AOPEP: variants seen among roughly 807,000 people sequenced by gnomAD.
AOPEP encodes the protein aminopeptidase O (putative).
AOPEP carries 77 observed loss-of-function variants against 98.1 expected under a neutral mutation model. The ratio of observed to expected loss-of-function variants is 0.78; its 90% confidence interval spans 0.65 to 0.95. The LOEUF is 0.95. Among genes scored for constraint, AOPEP ranks in the 40% least tolerant of loss-of-function variants. The pLI is 0.00. For synonymous variants in AOPEP, 346 were observed against 365.3 expected (o/e 0.95, Z 0.60); for missense variants, 1,024 against 1,024.7 (o/e 1.00, Z 0.01).
intron 7 of AOPEP, among the ~76,000 whole-genome samples, chr9:94,946,295 A>G (rs190356906): frequency 9.7e-4 from 147 of 152,320 alleles, no homozygotes; most frequent in Non-Finnish European, 1.4e-3. Flanking sequence ...TAGCTTAAAT[A>G]TATTCCGGGC....
At chr9:94,822,650 G>T (rs975724339) in intron 5 of AOPEP, among the ~76,000 whole-genome samples, 7 of 152,094 alleles carry the variant, frequency 4.6e-5, no homozygotes, top group African/African-American at 1.7e-4. Context: ...AGCATTTTCT[G>T]ATTCTCTTCA....
chr9:94,781,680 C>T (rs1022727600), intron 3 of AOPEP, among the ~76,000 whole-genome samples: 1 of 151,016 alleles, frequency 6.6e-6, no homozygotes, highest in African/African-American at 2.4e-5. Flanking sequence ...CCTGCCTCAG[C>T]CTCCCGAGTA....
intron 14 of AOPEP, among the ~76,000 whole-genome samples, chr9:95,061,403 A>C (rs2067307571): frequency 6.6e-6 from 1 of 152,262 alleles, no homozygotes; most frequent in African/African-American, 2.4e-5. Context: ...TAAAAACAAG[A>C]GCTTAAACAG....
At chr9:94,876,785 A>G (rs181402279) in intron 5 of AOPEP, among the ~76,000 whole-genome samples, 45 of 152,322 alleles carry the variant, frequency 3.0e-4, no homozygotes, top group Non-Finnish European at 4.6e-4. Context: ...AGTTTTCCTC[A>G]GTACCAAATA....
At chr9:95,024,629 C>T (rs552433404) in intron 13 of AOPEP, among the ~76,000 whole-genome samples, 1 of 152,256 alleles carries the variant, frequency 6.6e-6, no homozygotes, top group Admixed American at 6.5e-5. Flanking sequence ...GGCCTTTGGC[C>T]GGTTTGTTTG....
chr9:94,752,342 A>G (rs955959824), intron 1 of AOPEP, among the ~76,000 whole-genome samples: 3 of 149,230 alleles, frequency 2.0e-5, no homozygotes, highest in Non-Finnish European at 4.4e-5. Context: ...ATACAGACAC[A>G]CAAGTCTCTC....
At chr9:95,107,759 C>T in the AOPEP span, among the ~76,000 whole-genome samples, 8 of 152,236 alleles carry the variant, frequency 5.3e-5, no homozygotes, top group East Asian at 5.8e-4. Context: ...CATGCACGCA[C>T]GTGTACACAA....
intron 5 of AOPEP, among the ~76,000 whole-genome samples, chr9:94,835,980 A>T (rs1393453843): frequency 2.6e-5 from 4 of 152,222 alleles, no homozygotes; most frequent in South Asian, 2.1e-4. Flanking sequence ...TAAGCAAGGG[A>T]TCTTGAGGTC....
intron 5 of AOPEP, among the ~76,000 whole-genome samples, chr9:94,822,250 G>C (rs1853409952): frequency 6.6e-6 from 1 of 152,208 alleles, no homozygotes; most frequent in Non-Finnish European, 1.5e-5. Context: ...TGTTGATCTT[G>C]TTAGAAGCTG....
chr9:95,127,462 G>C, the AOPEP span: 1 of 152,272 alleles, frequency 6.6e-6, no homozygotes, highest in Non-Finnish European at 1.5e-5. Context: ...CAGATCATCA[G>C]AGGACAACCC....
the AOPEP span, among the ~76,000 whole-genome samples, chr9:95,125,617 T>C: frequency 2.6e-5 from 4 of 152,226 alleles, no homozygotes; most frequent in Admixed American, 6.5e-5. Flanking sequence ...CCATGCATTA[T>C]TGTACAATTA....
chr9:94,860,155 C>T (rs571064860), intron 5 of AOPEP, among the ~76,000 whole-genome samples: 5 of 152,214 alleles, frequency 3.3e-5, no homozygotes, highest in South Asian at 2.1e-4. Flanking sequence ...GGCAGTGGAA[C>T]GTGAGCCAGG....
At chr9:94,799,382 C>G (rs1418242321) in intron 4 of AOPEP, among the ~76,000 whole-genome samples, 2 of 151,480 alleles carry the variant, frequency 1.3e-5, no homozygotes, top group Non-Finnish European at 2.9e-5. Context: ...AAGTGAGACC[C>G]CATCTCCAGA....
At chr9:95,003,509 G>A (rs2061701636) in intron 11 of AOPEP, among the ~76,000 whole-genome samples, 2 of 152,094 alleles carry the variant, frequency 1.3e-5, no homozygotes, top group African/African-American at 4.8e-5. Context: ...ATTGATTGTG[G>A]AACTCTTATT....
At chr9:95,126,587 A>G in the AOPEP span, 3 of 1,613,980 alleles carry the variant, frequency 1.9e-6, no homozygotes, top group Non-Finnish European at 2.5e-6. Context: ...TGAGGCTGTA[A>G]AAGGAGAAGA....
chr9:94,788,449 T>C (rs1168160706), intron 3 of AOPEP, among the ~76,000 whole-genome samples: 1 of 152,196 alleles, frequency 6.6e-6, no homozygotes, highest in Non-Finnish European at 1.5e-5. Flanking sequence ...TCTGTACATG[T>C]TAATTTTTTT....
At chr9:94,793,762 G>A (rs1564146469) in intron 4 of AOPEP, among the ~76,000 whole-genome samples, 1 of 151,802 alleles carries the variant, frequency 6.6e-6, no homozygotes, top group Non-Finnish European at 1.5e-5. Flanking sequence ...GAGAGAAGAA[G>A]GTAAGTATAT....
At chr9:95,002,289 T>C (rs1428364207) in intron 11 of AOPEP, among the ~76,000 whole-genome samples, 2 of 151,888 alleles carry the variant, frequency 1.3e-5, no homozygotes, top group Non-Finnish European at 2.9e-5. Context: ...ATATAACATA[T>C]TTATTGAATT....
chr9:95,110,861 G>A, the AOPEP span: 4 of 1,190,504 alleles, frequency 3.4e-6, no homozygotes, highest in African/African-American at 6.1e-5. Context: ...AATAACAACT[G>A]TCTTTGCCAC....
Sources: allele counts gnomAD v4.1 joint callset (sites outside exome capture counted in the v4.1 genomes callset), GRCh38; gene constraint gnomAD v4.1.1; transcripts MANE v1.5; gene names NCBI Gene and HGNC (gene_info 2026-07-23, HGNC 2026-07-21).